AUTS2: variants seen among roughly 807,000 people sequenced by gnomAD.
AUTS2 encodes activator of transcription and developmental regulator AUTS2, also known as autism susceptibility gene 2 protein.
AUTS2 carries 17 observed loss-of-function variants against 112.4 expected under a neutral mutation model. That is an observed-to-expected ratio of 0.15 (90% CI 0.10 to 0.23). The LOEUF is 0.23. Ranked by LOEUF, AUTS2 falls within the 10% of genes least tolerant of loss-of-function variation. The pLI is 1.00. For missense variants in AUTS2, 1,510 were observed against 1,701.6 expected (o/e 0.89, Z 1.98); for synonymous variants, 751 against 702.7 (o/e 1.07, Z -1.09).
At chr7:70,712,094 G>A (rs1399168303) in intron 6 of AUTS2, among the ~76,000 whole-genome samples, 6 of 150,640 alleles carry the variant, frequency 4.0e-5, no homozygotes, top group Admixed American at 6.6e-5. Flanking sequence ...GTGCAATCTC[G>A]GCTCGCTGCA....
intron 2 of AUTS2, among the ~76,000 whole-genome samples, chr7:69,984,601 CTTTG>C (rs1433777222): frequency 1.3e-5 from 2 of 151,914 alleles, no homozygotes; most frequent in African/African-American, 2.4e-5. Context: ...CGTTACTTAT[CTTTG>C]TTTGTCAATG....
Position 70,694,132 on chromosome 7 carries a change from G to GC in AUTS2, c.691-4432dup. The GC allele has an allele frequency of 6.6e-6, 1 of 151,400 alleles. No homozygotes were observed. Among genetic ancestry groups the GC allele is most frequent in the Non-Finnish European group, 1.5e-5 (1 of 67,740 alleles). The allele number at this position is 151,400 out of a possible 1,614,324, so 9.4% of individuals were successfully genotyped here. On this transcript the variant is annotated intron_variant, in intron 5 of 18. Transcript: ENST00000342771. This position sits in a 1 kb window ranked among gnomAD's most constrained non-coding sequence, Gnocchi z 4.1. The stretch of plus-strand genomic sequence containing the variant: ...AGCAAGGGGCCCCCGCGTAGCCGCC[G>GC]CCCCCTCCTGCTACCGTCCAGCCAG...
intron 5 of AUTS2, among the ~76,000 whole-genome samples, chr7:70,497,888 G>C (rs915190419): frequency 1.3e-5 from 2 of 152,114 alleles, no homozygotes; most frequent in Non-Finnish European, 2.9e-5. Flanking sequence ...AATGTTTACT[G>C]AGCACCTGCT....
At chr7:70,752,147 G>A (rs1359669156) in intron 6 of AUTS2, among the ~76,000 whole-genome samples, 4 of 151,990 alleles carry the variant, frequency 2.6e-5, no homozygotes, top group East Asian at 1.9e-4. Flanking sequence ...TAAGAATCGC[G>A]GAAGGAGTCT....
intron 2 of AUTS2, among the ~76,000 whole-genome samples, chr7:70,003,316 T>C (rs1185842080): frequency 7.6e-6 from 1 of 131,610 alleles, no homozygotes; most frequent in Non-Finnish European, 1.5e-5. Context: ...TATATGAATA[T>C]ATATAACATA....
intron 5 of AUTS2, among the ~76,000 whole-genome samples, chr7:70,490,332 A>G (rs1255294196): frequency 1.3e-5 from 2 of 152,194 alleles, no homozygotes; most frequent in South Asian, 2.1e-4. Context: ...AAGAATGAAG[A>G]AGATGTTATC....
intron 1 of AUTS2, among the ~76,000 whole-genome samples, chr7:69,605,328 A>G (rs116467107): frequency 6.6e-5 from 10 of 152,248 alleles, no homozygotes; most frequent in African/African-American, 2.4e-4. Context: ...GGAAGATGTA[A>G]ACAGTGAGGG....
In AUTS2 at chr7:69,602,046, GT is replaced by G. The variant is rs1562750307; in HGVS notation, c.309+2085del. Among the ~76,000 whole-genome samples the G allele has an allele frequency of 2.9e-4, 8 of 28,034 alleles. No homozygotes were observed. In the East Asian group the frequency reaches 0.012, roughly 42 times the overall value. The allele number at this position is 28,034 out of a possible 152,430, so 18.4% of individuals were successfully genotyped here. A position where few individuals can be genotyped will look rare whatever the true frequency, so the allele number is the denominator to read the frequency against. ...TATATATATATATATATATATGTGT[GT>G]GTGTGTGTGTGTGTGTGTGTGTGTG... On this transcript the variant is annotated intron_variant, in intron 1 of 18. Coordinates refer to ENST00000342771, the MANE Select transcript of AUTS2 (RefSeq NM_015570.4).
At chr7:69,993,263 CTGAT>C (rs1257909123) in intron 2 of AUTS2, among the ~76,000 whole-genome samples, 1 of 152,148 alleles carries the variant, frequency 6.6e-6, no homozygotes, top group African/African-American at 2.4e-5. Context: ...CTATTCTTGA[CTGAT>C]TGACTGGATA....
chr7:70,415,828 A>G, intron 4 of AUTS2, among the ~76,000 whole-genome samples: 1 of 152,208 alleles, frequency 6.6e-6, no homozygotes, highest in East Asian at 1.9e-4. Flanking sequence ...CTCTTGGGGC[A>G]TTTGTGTGCA....
intron 5 of AUTS2, among the ~76,000 whole-genome samples, chr7:70,542,562 G>A (rs558661892): frequency 2.0e-4 from 31 of 152,344 alleles, no homozygotes; most frequent in African/African-American, 7.5e-4. Context: ...GCGCAGGCCA[G>A]CTACATGGCA....
At chr7:70,399,751 AAAAATAAAAT>A (rs138206839) in intron 4 of AUTS2, among the ~76,000 whole-genome samples, 9 of 134,848 alleles carry the variant, frequency 6.7e-5, no homozygotes, top group South Asian at 2.3e-4. Flanking sequence ...AACTGGGTAA[AAAAATAAAAT>A]AAAATAAAAT....
At chr7:70,771,455 G>A (rs987949934) in intron 10 of AUTS2, 94 bp from the exon 11 acceptor site, 4 of 1,017,432 alleles carry the variant, frequency 3.9e-6, no homozygotes, top group Admixed American at 2.1e-5. Context: ...TACGTGGCTT[G>A]CTCATGTCGA....
intron 6 of AUTS2, among the ~76,000 whole-genome samples, chr7:70,716,830 G>A (rs551296975): frequency 3.3e-5 from 5 of 151,842 alleles, no homozygotes; most frequent in East Asian, 1.9e-4. Flanking sequence ...AGATGTATTC[G>A]GTTACTTCGT....
At chr7:70,541,078 C>T (rs1256726729) in intron 5 of AUTS2, among the ~76,000 whole-genome samples, 1 of 152,138 alleles carries the variant, frequency 6.6e-6, no homozygotes, top group East Asian at 1.9e-4. Context: ...AAATCCAGTC[C>T]CCTTTCTACC....
chr7:70,300,405 A>G (rs1391617277), intron 4 of AUTS2, among the ~76,000 whole-genome samples: 2 of 152,204 alleles, frequency 1.3e-5, no homozygotes, highest in Non-Finnish European at 2.9e-5. Flanking sequence ...CAGTCTTAAT[A>G]AAGTATTGCA....
intron 4 of AUTS2, among the ~76,000 whole-genome samples, chr7:70,374,896 G>A (rs191342266): frequency 0.013 from 1,957 of 152,272 alleles, 20 homozygotes; most frequent in Non-Finnish European, 0.019. Flanking sequence ...CCTAAACCAA[G>A]TGCCATACTC....
chr7:70,430,450 T>C (rs1052184433), intron 4 of AUTS2, among the ~76,000 whole-genome samples: 2 of 152,210 alleles, frequency 1.3e-5, no homozygotes, highest in Non-Finnish European at 2.9e-5. Flanking sequence ...CTTCTAGCCA[T>C]ATTTTACAGA....
intron 4 of AUTS2, among the ~76,000 whole-genome samples, chr7:70,154,092 A>G (rs1198364970): frequency 1.3e-5 from 2 of 152,230 alleles, no homozygotes; most frequent in Admixed American, 1.3e-4. Flanking sequence ...TGATGAAAAT[A>G]TTCCCAGTAC....
Sources: allele counts gnomAD v4.1 joint callset (sites outside exome capture counted in the v4.1 genomes callset), GRCh38; gene constraint gnomAD v4.1.1; non-coding constraint Gnocchi (gnomAD v3.1); transcripts MANE v1.5; gene names NCBI Gene and HGNC (gene_info 2026-07-23, HGNC 2026-07-21).